Variants in HHAT observed in about 807,000 individuals in gnomAD.
HHAT encodes the protein protein-cysteine N-palmitoyltransferase HHAT.
In HHAT, 47 loss-of-function variants were observed where a neutral mutation model predicts 70.8. The observed-to-expected ratio is 0.66, with a 90% confidence interval of 0.53 to 0.85. The LOEUF is 0.85. Ranked by LOEUF, HHAT falls within the 40% of genes least tolerant of loss-of-function variation. The pLI is 0.00. For synonymous variants in HHAT, 228 were observed against 247.6 expected (o/e 0.92, Z 0.74); for missense variants, 609 against 604.8 (o/e 1.01, Z -0.07).
rs1428373840 is a variant in HHAT, at chr1:210,532,332, G to T, written c.1043+19144G>T. ...ATGCAGATATGTATTGTTTCTCCCTGTGCTACTGAGAGGAGGTTCCTTATT... is the reference window on the plus strand; with the variant it reads ...ATGCAGATATGTATTGTTTCTCCCTTTGCTACTGAGAGGAGGTTCCTTATT... On this transcript the variant is annotated intron_variant, in intron 9 of 11. Coordinates refer to ENST00000261458, the MANE Select transcript of HHAT (RefSeq NM_018194.6). Among the ~76,000 whole-genome samples the T allele has an allele frequency of 3.9e-5, 6 of 152,220 alleles. No individual in the cohort carries two copies. The East Asian group carries it at 1.2e-3, about 29-fold the overall frequency.
At chr1:210,462,949 C>T (rs1396716303) in intron 7 of HHAT, 4 of 152,296 alleles carry the variant, frequency 2.6e-5, no homozygotes, top group Non-Finnish European at 4.4e-5. Context: ...TGGTCTGCCA[C>T]ATCGACATGT....
chr1:210,493,939 A>G (rs1481846317), intron 8 of HHAT, among the ~76,000 whole-genome samples: 2 of 152,186 alleles, frequency 1.3e-5, no homozygotes, highest in African/African-American at 4.8e-5. Flanking sequence ...TCTTTAAAGT[A>G]GGCACTTGAA....
chr1:210,599,693 C>T (rs957572313), intron 10 of HHAT, among the ~76,000 whole-genome samples: 2 of 152,104 alleles, frequency 1.3e-5, no homozygotes, highest in Non-Finnish European at 2.9e-5. Context: ...CCTGGTCTAC[C>T]AAATAGCTTC....
chr1:210,544,900 C>T (rs560306938), intron 9 of HHAT, among the ~76,000 whole-genome samples: 1 of 152,104 alleles, frequency 6.6e-6, no homozygotes, highest in Non-Finnish European at 1.5e-5. Flanking sequence ...TCGTCCTCAC[C>T]CCTAAATTCC....
intron 8 of HHAT, among the ~76,000 whole-genome samples, chr1:210,498,654 G>A (rs763552680): frequency 6.6e-6 from 1 of 152,136 alleles, no homozygotes; most frequent in Non-Finnish European, 1.5e-5. Flanking sequence ...CCACTCACCC[G>A]GCTTTAGTAT....
At chr1:210,451,070 G>C (rs2093745972) in intron 7 of HHAT, among the ~76,000 whole-genome samples, 2 of 134,414 alleles carry the variant, frequency 1.5e-5, no homozygotes, top group African/African-American at 5.7e-5. Flanking sequence ...CTGGGCAACA[G>C]AGCGAGACTC....
chr1:210,648,800 A>AT (rs1674569919), intron 11 of HHAT, among the ~76,000 whole-genome samples: 1 of 152,214 alleles, frequency 6.6e-6, no homozygotes, highest in African/African-American at 2.4e-5. Context: ...TGCAGGATTA[A>AT]TTTGAAAATT....
rs2094836010 is a variant in HHAT at position 210,505,424 on chromosome 1, GC to G, written c.1008-7727del. On this transcript the variant is annotated intron_variant, in intron 8 of 11. Transcript: ENST00000261458. ...GGGGTCTAGGGGGCCTGGTCGATCA[GC>G]CTCAGCTCTGCTGTTTGTTGTATTT... 2.0e-5 allele frequency among the ~76,000 whole-genome samples: 3 copies of G among 152,176 alleles called. No homozygotes were observed. The South Asian group carries it at 6.2e-4, about 32-fold the overall frequency.
At chr1:210,431,347 C>T (rs888782777) in intron 7 of HHAT, among the ~76,000 whole-genome samples, 9 of 151,752 alleles carry the variant, frequency 5.9e-5, no homozygotes, top group African/African-American at 2.2e-4. Flanking sequence ...TAGGTCTTTG[C>T]AGCCTGGCAG....
Position 210,675,198 on chromosome 1 carries a change from C to A in HHAT, c.*819C>A, listed in dbSNP as rs879623534. On this transcript the variant is annotated 3_prime_UTR_variant, in exon 12 of 12. Coordinates refer to ENST00000261458, the MANE Select transcript of HHAT (RefSeq NM_018194.6). ...GGATGGTGTCCTGGAGTCTTGTCCA[C>A]CCTCTCCATACAAGTCTCAAAAGTC... 3.9e-5 allele frequency: 6 copies of A among 152,316 alleles called. 1 individual carries two copies. The highest frequency in any genetic ancestry group is 3.9e-4 in the East Asian group (2 of 5,190). 9.4% of individuals were successfully genotyped at this position (152,316 alleles called of 1,614,324 possible). A position where few individuals can be genotyped will look rare whatever the true frequency, so the allele number is the denominator to read the frequency against.
At chr1:210,471,382 A>G (rs1012855017) in intron 8 of HHAT, among the ~76,000 whole-genome samples, 3 of 152,028 alleles carry the variant, frequency 2.0e-5, no homozygotes, top group Non-Finnish European at 4.4e-5. Context: ...TCATTATTTT[A>G]TCAGATGTTG....
intron 9 of HHAT, among the ~76,000 whole-genome samples, chr1:210,550,451 G>A (rs2095518632): frequency 6.7e-6 from 1 of 149,098 alleles, no homozygotes; most frequent in Non-Finnish European, 1.5e-5. Flanking sequence ...ACTGTAAAAT[G>A]GTGATAATAC....
At chr1:210,399,580 C>T (rs911791580) in intron 4 of HHAT, among the ~76,000 whole-genome samples, 1 of 152,116 alleles carries the variant, frequency 6.6e-6, no homozygotes, top group African/African-American at 2.4e-5. Flanking sequence ...TCATTTGCCT[C>T]AGGTCACACA....
At chr1:210,595,317 A>G (rs144844297) in intron 10 of HHAT, among the ~76,000 whole-genome samples, 2,288 of 152,286 alleles carry the variant, frequency 0.015, 69 homozygotes, top group African/African-American at 0.052. Context: ...ATGGCTGCAT[A>G]GTATTCCATG....
At chr1:210,629,965 C>A (rs946036452) in intron 11 of HHAT, among the ~76,000 whole-genome samples, 5 of 151,932 alleles carry the variant, frequency 3.3e-5, no homozygotes, top group African/African-American at 1.2e-4. Flanking sequence ...GCTTCAGCCT[C>A]CCGAGTAGCT....
intron 10 of HHAT, among the ~76,000 whole-genome samples, chr1:210,615,895 TGAG>T (rs766939633): frequency 6.6e-5 from 10 of 152,162 alleles, no homozygotes; most frequent in Non-Finnish European, 1.5e-4. Flanking sequence ...GGGACCCACT[TGAG>T]GAGGCAGTCT....
chr1:210,390,506 AT>A (rs530575968), intron 4 of HHAT, among the ~76,000 whole-genome samples: 203 of 152,106 alleles, frequency 1.3e-3, no homozygotes, highest in African/African-American at 4.0e-3. Context: ...GTAGGGAGAG[AT>A]TTTTTTTCTT....
chr1:210,471,326 A>G (rs1417856172), intron 8 of HHAT, among the ~76,000 whole-genome samples: 1 of 152,108 alleles, frequency 6.6e-6, no homozygotes, highest in Non-Finnish European at 1.5e-5. Context: ...TTTGCCTTGT[A>G]AGGAATCTAG....
chr1:210,350,010 G>A (rs1202705070), intron 2 of HHAT, among the ~76,000 whole-genome samples: 4 of 152,152 alleles, frequency 2.6e-5, no homozygotes, highest in Non-Finnish European at 5.9e-5. Flanking sequence ...AAAAAATAAA[G>A]TATATTGAAA....
Sources: gnomAD v4.1 joint callset for allele counts (sites outside exome capture counted in the v4.1 genomes callset) on GRCh38, gnomAD v4.1.1 for gene constraint, MANE v1.5 for transcripts, NCBI Gene and HGNC (gene_info 2026-07-23, HGNC 2026-07-21) for gene names.